The following TMTC4 variants were observed in gnomAD, a reference collection of about 807,000 sequenced individuals.
TMTC4 encodes protein O-mannosyl-transferase TMTC4.
Under a neutral mutation model 86.0 loss-of-function variants are expected in TMTC4, and 65 were observed. The observed-to-expected ratio is 0.76, with a 90% CI of 0.62 to 0.93. The LOEUF is 0.93. Ranked by LOEUF, TMTC4 falls within the 40% of genes least tolerant of loss-of-function variation. TMTC4 has a pLI of 0.00. For synonymous variants in TMTC4, 379 were observed against 382.5 expected (o/e 0.99, Z 0.11); for missense variants, 866 against 948.1 (o/e 0.91, Z 1.14).
intron 3 of TMTC4, chr13:100,665,964 C>G (rs765058263): frequency 2.2e-6 from 1 of 454,276 alleles, no homozygotes; most frequent in South Asian, 1.6e-5. Context: ...AGCCTGGAAG[C>G]CTACCTTCTT....
intron 15 of TMTC4, among the ~76,000 whole-genome samples, chr13:100,617,842 TTAA>T (rs1260162601): frequency 6.6e-6 from 1 of 152,240 alleles, no homozygotes; most frequent in Non-Finnish European, 1.5e-5. Context: ...CAATATGAAT[TTAA>T]GAATAGCTTT....
Position 100,662,981 on chromosome 13 carries a change from G to C in TMTC4, c.535C>G (p.Pro179Ala), listed in dbSNP as rs752472955. The change falls in exon 5 of 19, where the codon CCT becomes GCT. Residue 179 changes from proline (P) to alanine (A), a missense_variant. Transcript: ENST00000342624. Reference sequence around the variant, plus strand: ...ACACTTACACACTCGGTGTGCACAGGATGGACAGCAAACAGCAGCGCGGCC... The same window carrying C: ...ACACTTACACACTCGGTGTGCACAGCATGGACAGCAAACAGCAGCGCGGCC... Reference protein sequence around the residue: ...LLAALLFAVHPVHTECVAGVV... With the variant: ...LLAALLFAVHAVHTECVAGVV... 7 of 1,613,976 alleles carry C rather than the reference G, an allele frequency of 4.3e-6. No homozygotes were observed. The highest frequency in any genetic ancestry group is 5.1e-6 in the Non-Finnish European group (6 of 1,180,014).
intron 5 of TMTC4, 73 bp from the exon 6 acceptor site, chr13:100,656,541 A>ATT (rs1566630250): frequency 4.3e-6 from 2 of 463,002 alleles, no homozygotes; most frequent in Non-Finnish European, 6.6e-6. Context: ...AGGAGACATA[A>ATT]CTTTTTTTTT....
chr13:100,661,184 C>T, intron 5 of TMTC4, among the ~76,000 whole-genome samples: 1 of 152,274 alleles, frequency 6.6e-6, no homozygotes, highest in East Asian at 1.9e-4. Context: ...TCTCCTAGAG[C>T]TAGTCTGCCT....
At chr13:100,636,357 G>T (rs138282553) in intron 10 of TMTC4, among the ~76,000 whole-genome samples, 175 bp downstream of exon 10, 1 of 152,168 alleles carries the variant, frequency 6.6e-6, no homozygotes, top group Non-Finnish European at 1.5e-5. Context: ...CCCCACCCGC[G>T]GAAGCCAGCC....
Position 100,625,628 on chromosome 13 carries a change from G to C in TMTC4, c.1743C>G (p.Ser581Arg), listed in dbSNP as rs778924927. 6.2e-7 allele frequency: 1 copy of C among 1,614,192 alleles called. No homozygotes were observed. The highest frequency in any genetic ancestry group is 2.2e-5 in the East Asian group (1 of 44,882). The change falls in exon 15 of 19, where the codon AGC becomes AGG. Residue 581 changes from serine (S) to arginine (R), a missense_variant. Transcript: ENST00000342624. The stretch of plus-strand genomic sequence containing the variant: ...GCTCTGCTGCTTCAAACCGTTTCAG[G>C]CTATTCTGCACTATGCCTAGATTCA... ...AWMNLGIVQNSLKRFEAAEQS... is the reference protein window; with the variant it reads ...AWMNLGIVQNRLKRFEAAEQS...
chr13:100,640,454 T>C (rs1882865846), intron 7 of TMTC4, among the ~76,000 whole-genome samples: 2 of 152,248 alleles, frequency 1.3e-5, no homozygotes, highest in South Asian at 2.1e-4. Flanking sequence ...TTAATCTTAA[T>C]AGATACAACC....
At chr13:100,667,363 AGG>A (rs1227532814) in intron 3 of TMTC4, among the ~76,000 whole-genome samples, 1 of 152,146 alleles carries the variant, frequency 6.6e-6, no homozygotes, top group Non-Finnish European at 1.5e-5. Context: ...CCGGAGGCAG[AGG>A]TTGTAGTGAG....
At chr13:100,674,512 C>T (rs1055185572) in intron 1 of TMTC4, 2 of 971,514 alleles carry the variant, frequency 2.1e-6, no homozygotes, top group African/African-American at 3.5e-5. Flanking sequence ...GCAGCCTCCA[C>T]GCCGCGCCCT....
chr13:100,639,722 C>T (rs1253734080), intron 7 of TMTC4, among the ~76,000 whole-genome samples: 1 of 151,980 alleles, frequency 6.6e-6, no homozygotes, highest in Non-Finnish European at 1.5e-5. Flanking sequence ...GGTGGATCAC[C>T]TGAGGTCAGG....
intron 7 of TMTC4, among the ~76,000 whole-genome samples, chr13:100,641,175 C>T (rs1341546746): frequency 3.3e-5 from 5 of 152,188 alleles, no homozygotes; most frequent in African/African-American, 9.7e-5. Flanking sequence ...AGTTAAAACA[C>T]GTGATTACCT....
chr13:100,617,792 T>C (rs1594244921), intron 15 of TMTC4, among the ~76,000 whole-genome samples: 1 of 152,250 alleles, frequency 6.6e-6, no homozygotes, highest in Non-Finnish European at 1.5e-5. Context: ...TTGTTCTTTA[T>C]GCTTAGGACT....
rs1849392111 is a variant in TMTC4, at chr13:100,605,011, G to C, written c.2266C>G (p.Gln756Glu). ...GLLRRKLELMQKKAV is the reference protein window; with the variant it reads ...GLLRRKLELMEKKAV ...AAACAGGATCAGACAGCTTTCTTTT[G>C]CATTAGTTCTAGCTTTCTTCTCAGC... Residue 756 changes from glutamine to glutamate, a missense_variant, in exon 19 of 19, where the codon CAA (glutamine) becomes GAA (glutamate). Transcript: ENST00000342624. This position sits in a 1 kb window ranked among gnomAD's most constrained non-coding sequence, Gnocchi z 4.3. 6.2e-7 allele frequency: 1 copy of C among 1,613,514 alleles called. No individual in the cohort carries two copies. The highest frequency in any genetic ancestry group is 8.5e-7 in the Non-Finnish European group (1 of 1,179,864).
intron 16 of TMTC4, among the ~76,000 whole-genome samples, chr13:100,612,842 AGAG>A (rs1213674949): frequency 3.3e-5 from 5 of 152,248 alleles, no homozygotes; most frequent in African/African-American, 9.6e-5. Flanking sequence ...CTGCAAAATA[AGAG>A]GATGACAGTA....
rs1877750903 is a variant in TMTC4, at chr13:100,612,450, T to C, written c.2012A>G (p.His671Arg). The C allele has an allele frequency of 6.2e-7, 1 of 1,609,516 alleles. No individual in the cohort carries two copies. Among genetic ancestry groups the C allele is most frequent in the Non-Finnish European group, 8.5e-7 (1 of 1,178,480 alleles). Residue 671 changes from histidine (H) to arginine (R), a missense_variant, in exon 17 of 19, where the codon CAC (histidine) becomes CGC (arginine). Transcript: ENST00000342624. The part of the protein sequence containing the change: ...REALELIPND[H>R]SLMFSLANVL... ...GTTTGCCAACGAGAACATGAGAGAG[T>C]GATCATTAGGTATTAATTCCAGTGC...
chr13:100,635,097 T>C lies in TMTC4; in HGVS notation c.1301A>G (p.Tyr434Cys), dbSNP rs1308533443. ...CACACAGTACCCAACGCTGGGGAGG[T>C]AGAGGACACGCTCTGCGACCACGAA... Reference protein sequence around the residue: ...VGFVVAERVLYLPSVGYCVLL... With the variant: ...VGFVVAERVLCLPSVGYCVLL... The change falls in exon 11 of 19, where the codon TAC becomes TGC. Residue 434 changes from tyrosine to cysteine, a missense_variant. By Grantham distance (194) the Tyr-to-Cys change is radical (BLOSUM62 -2). Transcript: ENST00000342624. 7 of 1,613,638 alleles carry C rather than the reference T, an allele frequency of 4.3e-6. No homozygotes were observed. The highest frequency in any genetic ancestry group is 5.9e-6 in the Non-Finnish European group (7 of 1,179,966).
Position 100,625,129 on chromosome 13 carries a change from G to A in TMTC4, c.1836+406C>T, listed in dbSNP as rs577481546. On this transcript the variant is annotated intron_variant, in intron 15 of 18. Coordinates refer to ENST00000342624, the MANE Select transcript of TMTC4 (RefSeq NM_032813.5). ...GAAGAGCTCTGCTCCCTTGAAGAAGGAGAACAAGGGAGCTCAGAAATCATA... is the reference window on the plus strand; with the variant it reads ...GAAGAGCTCTGCTCCCTTGAAGAAGAAGAACAAGGGAGCTCAGAAATCATA... 6.7e-5 allele frequency: 13 copies of A among 193,672 alleles called. No individual in the cohort carries two copies. The East Asian group carries it at 1.7e-3, about 26-fold the overall frequency. 12.0% of individuals were successfully genotyped at this position (193,672 alleles called of 1,614,324 possible). A position where few individuals can be genotyped will look rare whatever the true frequency, so the allele number is the denominator to read the frequency against.
At chr13:100,608,122 A>G (rs529336647) in intron 17 of TMTC4, among the ~76,000 whole-genome samples, 1 of 152,356 alleles carries the variant, frequency 6.6e-6, no homozygotes, top group Non-Finnish European at 1.5e-5. Flanking sequence ...CTTGAGAGAA[A>G]TGGCTTAGGG....
intron 15 of TMTC4, chr13:100,624,398 A>C (rs909139460): frequency 1.3e-5 from 2 of 153,028 alleles, no homozygotes; most frequent in Admixed American, 6.5e-5. Context: ...TCCAGAAGCC[A>C]TGGCACGCAC....
Sources: gnomAD v4.1 joint callset for allele counts (sites outside exome capture counted in the v4.1 genomes callset) on GRCh38, gnomAD v4.1.1 for gene constraint, Gnocchi (gnomAD v3.1) non-coding constraint, MANE v1.5 for transcripts, NCBI Gene and HGNC (gene_info 2026-07-23, HGNC 2026-07-21) for gene names.